The following PKHD1L1 variants were observed in gnomAD, a reference collection of about 807,000 sequenced individuals.
The protein encoded by PKHD1L1 is fibrocystin-L.
Under a neutral mutation model 462.9 loss-of-function variants are expected in PKHD1L1, and 434 were observed. The observed-to-expected ratio is 0.94, with a 90% CI of 0.87 to 1.02. The LOEUF (loss-of-function observed/expected upper bound fraction) is 1.02. PKHD1L1 is among the 50% of genes least tolerant of loss of function. PKHD1L1 has a pLI of 0.00. For missense variants in PKHD1L1, 5,202 were observed against 5,096.1 expected (o/e 1.02, Z -0.63); for synonymous variants, 1,781 against 1,750.0 (o/e 1.02, Z -0.44).
rs371376665 is a variant in PKHD1L1 at position 109,414,318 on chromosome 8, T to C, written c.2360+773T>C. Among the ~76,000 whole-genome samples, 13 of 152,284 alleles carry C rather than the reference T, an allele frequency of 8.5e-5. No homozygotes were observed. In the East Asian group the frequency reaches 1.9e-3, roughly 23 times the overall value. On this transcript the variant is annotated intron_variant, in intron 21 of 77. Transcript: ENST00000378402. ...ATTTACATAAAGTAAAATTCACTCTTTTTAAGTGCACAGTTTAGTGAGTTT... is the reference window on the plus strand; with the variant it reads ...ATTTACATAAAGTAAAATTCACTCTCTTTAAGTGCACAGTTTAGTGAGTTT...
Position 109,507,895 on chromosome 8 carries a change from G to A in PKHD1L1, c.11227G>A (p.Gly3743Arg). Residue 3743 changes from glycine to arginine, a missense_variant and splice_region_variant, in exon 69 of 78, where the codon GGA becomes AGA. By Grantham distance (125) the Gly-to-Arg change is moderately radical. This residue lies in a region of PKHD1L1 where 698 missense variants were observed against 736.3 expected (regional missense o/e 0.95). Coordinates refer to ENST00000378402, the MANE Select transcript of PKHD1L1 (RefSeq NM_177531.6). ...TGTCACTGAGAAAGCACCTCATAAA[G>A]GTTTGTTGGATCTTGCTTAATCTGT... The part of the protein sequence containing the change: ...IPVTEKAPHK[G>R]IIRDSTCKYL... 6.2e-7 allele frequency: 1 copy of A among 1,613,276 alleles called. No homozygotes were observed. The highest frequency in any genetic ancestry group is 1.1e-5 in the South Asian group (1 of 91,042).
intron 21 of PKHD1L1, among the ~76,000 whole-genome samples, chr8:109,415,536 G>A (rs1327904237): frequency 6.6e-6 from 1 of 152,122 alleles, no homozygotes; most frequent in Non-Finnish European, 1.5e-5. Context: ...GAGGAAATCA[G>A]TTGTGTTCAC....
rs146708536 is a variant in PKHD1L1 at position 109,394,170 on chromosome 8, CAAAAAAAAAAA to C, written c.741-228_741-218del. 8.3e-4 allele frequency among the ~76,000 whole-genome samples: 53 copies of C among 63,706 alleles called. No homozygotes were observed. In the East Asian group the frequency reaches 0.016, roughly 20 times the overall value. 41.8% of individuals were successfully genotyped at this position (63,706 alleles called of 152,430 possible). The stretch of plus-strand genomic sequence containing the variant: ...GCCTGGCAACAGAGCGAGACTCTGT[CAAAAAAAAAAA>C]AAAAAAAAAAAAAAAAGAAATCAAC... On this transcript the variant is annotated intron_variant, in intron 9 of 77. Coordinates refer to ENST00000378402, the MANE Select transcript of PKHD1L1 (RefSeq NM_177531.6).
rs536619991 is a variant in PKHD1L1, at chr8:109,501,925, C to G, written c.10829-2402C>G. On this transcript the variant is annotated intron_variant, in intron 67 of 77. Transcript: ENST00000378402. ...ACTTCCTTCCAGGCCCCTTACCAACCAGCTAAGCCACTCATCACTACCCAG... is the reference window on the plus strand; with the variant it reads ...ACTTCCTTCCAGGCCCCTTACCAACGAGCTAAGCCACTCATCACTACCCAG... 3.4e-3 allele frequency among the ~76,000 whole-genome samples: 523 copies of G among 152,168 alleles called. 3 individuals carry two copies. The highest frequency in any genetic ancestry group is 4.5e-3 in the Non-Finnish European group (308 of 67,986).
intron 73 of PKHD1L1, among the ~76,000 whole-genome samples, chr8:109,521,388 C>G (rs1326192254): frequency 6.6e-6 from 1 of 152,192 alleles, no homozygotes; most frequent in Non-Finnish European, 1.5e-5. Flanking sequence ...AAAGATCAGT[C>G]TGACTCCAGA....
At position 109,408,200 on chromosome 8, in the gene PKHD1L1, A is replaced by G. The variant is rs13252234; in HGVS notation, c.1965A>G (p.Glu655=). 0.32 allele frequency: 519,045 copies of G among 1,606,508 alleles called. 87,430 individuals carry two copies. Among genetic ancestry groups the G allele is most frequent in the Admixed American group, 0.5 (29,854 of 59,634 alleles). The change falls in exon 18 of 78, where the codon GAA becomes GAG. Residue 655 remains glutamate (E), a synonymous_variant. Coordinates refer to ENST00000378402, the MANE Select transcript of PKHD1L1 (RefSeq NM_177531.6). ...ASKPLTLWSS[E]AEFQGAVEEM... The stretch of plus-strand genomic sequence containing the variant: ...AGCCACTCACTCTATGGTCATCAGA[A>G]GCTGAAGTACGGTGTAGGAATGTTT...
Position 109,466,563 on chromosome 8 carries a change from T to C in PKHD1L1, c.8414-15T>C, listed in dbSNP as rs763679975. On this transcript the variant is annotated splice_polypyrimidine_tract_variant and intron_variant, in intron 49 of 77. Transcript: ENST00000378402. Reference sequence around the variant, plus strand: ...ATGTGAAATAAAAAACATATTTTGTTTGTTTGTTTCCCAGGGCACAAAGGA... The same window carrying C: ...ATGTGAAATAAAAAACATATTTTGTCTGTTTGTTTCCCAGGGCACAAAGGA... 1.2e-5 allele frequency: 18 copies of C among 1,554,024 alleles called. No individual in the cohort carries two copies. Among genetic ancestry groups the C allele is most frequent in the Non-Finnish European group, 1.6e-5 (18 of 1,149,564 alleles).
intron 49 of PKHD1L1, among the ~76,000 whole-genome samples, chr8:109,465,839 T>C (rs1025408121): frequency 2.0e-5 from 3 of 152,160 alleles, no homozygotes; most frequent in Non-Finnish European, 4.4e-5. Flanking sequence ...GTAGGTTAAA[T>C]TTTTTTAGCA....
chr8:109,369,246 G>T (rs1357157447), intron 2 of PKHD1L1, among the ~76,000 whole-genome samples: 2 of 152,020 alleles, frequency 1.3e-5, no homozygotes, highest in Non-Finnish European at 2.9e-5. Flanking sequence ...CAAAGTACTG[G>T]GATTACAGGC....
chr8:109,390,006 T>C (rs1426931635), intron 8 of PKHD1L1, among the ~76,000 whole-genome samples: 1 of 152,134 alleles, frequency 6.6e-6, no homozygotes, highest in Non-Finnish European at 1.5e-5. Context: ...CAATTTTTAG[T>C]TCTCTGTGTC....
intron 74 of PKHD1L1, 129 bp from the exon 75 acceptor site, chr8:109,522,615 A>G (rs1475497275): frequency 9.7e-7 from 1 of 1,028,660 alleles, no homozygotes; most frequent in Non-Finnish European, 1.3e-6. Context: ...TTGTAATTAT[A>G]TTAATTTTGC....
In PKHD1L1 at chr8:109,491,519, T is replaced by C. The variant is rs563188143; in HGVS notation, c.10115-354T>C. Among the ~76,000 whole-genome samples, 27 of 151,974 alleles carry C rather than the reference T, an allele frequency of 1.8e-4. No homozygotes were observed. In the East Asian group the frequency reaches 5.2e-3, roughly 29 times the overall value. On this transcript the variant is annotated intron_variant, in intron 61 of 77. Coordinates refer to ENST00000378402, the MANE Select transcript of PKHD1L1 (RefSeq NM_177531.6). ...CAAATATTATTACAAATAAAGGTTA[T>C]ATACAACTTTAGGCATATTATATTT...
intron 11 of PKHD1L1, 132 bp downstream of exon 11, chr8:109,396,269 C>A: frequency 1.4e-6 from 1 of 691,518 alleles, no homozygotes; most frequent in South Asian, 2.0e-5. Flanking sequence ...TTCACATAGT[C>A]ATTTGGTTCT....
At chr8:109,483,160 A>T (rs1346725872) in intron 57 of PKHD1L1, 55 bp downstream of exon 57, 1 of 1,285,054 alleles carries the variant, frequency 7.8e-7, no homozygotes, top group South Asian at 1.6e-5. Context: ...GTCAGCTGAA[A>T]AAAGTTTCTA....
intron 46 of PKHD1L1, among the ~76,000 whole-genome samples, chr8:109,459,233 G>C (rs1300040888): frequency 6.6e-6 from 1 of 152,000 alleles, no homozygotes; most frequent in Admixed American, 6.6e-5. Flanking sequence ...ACAACCAAAA[G>C]TGTCTTCAGG....
At chr8:109,484,724 G>A (rs1192893460) in intron 57 of PKHD1L1, among the ~76,000 whole-genome samples, 1 of 151,806 alleles carries the variant, frequency 6.6e-6, no homozygotes, top group African/African-American at 2.4e-5. Context: ...TAATAATATT[G>A]TCCTGAGCAG....
At chr8:109,403,480 G>A (rs768858983) in intron 14 of PKHD1L1, among the ~76,000 whole-genome samples, 1 of 152,118 alleles carries the variant, frequency 6.6e-6, no homozygotes, top group South Asian at 2.1e-4. Context: ...ACGTAATAAT[G>A]TCTGCAAAGT....
chr8:109,415,170 T>C (rs2882236), intron 21 of PKHD1L1, among the ~76,000 whole-genome samples: 1 of 151,676 alleles, frequency 6.6e-6, no homozygotes, highest in African/African-American at 2.4e-5. Context: ...GCCCAGCTAA[T>C]TTTTTTGTTT....
At chr8:109,454,694 C>A (rs764354554) in intron 44 of PKHD1L1, 29 bp from the exon 45 acceptor site, 2 of 1,604,674 alleles carry the variant, frequency 1.2e-6, no homozygotes, top group African/African-American at 2.7e-5. Context: ...TTTTAATTTT[C>A]TGAATGGCAT....
Sources: allele counts gnomAD v4.1 joint callset (sites outside exome capture counted in the v4.1 genomes callset), GRCh38; gene constraint gnomAD v4.1.1; regional missense constraint gnomAD v4.1.1; transcripts MANE v1.5; gene names NCBI Gene and HGNC (gene_info 2026-07-23, HGNC 2026-07-21).